Variants in DUSP8 observed in about 807,000 individuals in gnomAD.
DUSP8 encodes the protein dual specificity protein phosphatase 8.
DUSP8 carries 15 observed loss-of-function variants against 38.7 expected under a neutral mutation model. The ratio of observed to expected loss-of-function variants is 0.39; its 90% CI spans 0.26 to 0.60. The LOEUF (loss-of-function observed/expected upper bound fraction) is 0.60, where lower values mean the gene tolerates loss of function less well. Among genes scored for constraint, DUSP8 ranks in the 20% least tolerant of loss-of-function variants. The pLI is 0.56. For synonymous variants in DUSP8, 458 were observed against 433.9 expected, an observed-to-expected ratio of 1.06 and a Z score of -0.69; for missense variants, 768 against 915.0, an observed-to-expected ratio of 0.84 and a Z score of 2.07.
rs1316326952 is a variant in DUSP8, at chr11:1,557,304, G to A, written c.1092C>T (p.Pro364=). 3 of 1,470,710 alleles carry A rather than the reference G, an allele frequency of 2.0e-6. No individual in the cohort carries two copies. In the African/African-American group the frequency reaches 4.4e-5, roughly 22 times the overall value. The allele number at this position is 1,470,710 out of a possible 1,614,324, so 91.1% of individuals were successfully genotyped here. A position where few individuals can be genotyped will look rare whatever the true frequency, so the allele number is the denominator to read the frequency against. ...CCTGCTGCAGTGCGCTGGTCGCCGG[G>A]GGCGTGGGGGGCGCGGGGGGCTCCC... ...AGGEPPAPPT[P]PATSALQQGL... is the part of the protein sequence containing the mutation. Residue 364 remains proline (P), a synonymous_variant, in exon 7 of 7, where the codon CCC becomes CCT. Transcript: ENST00000397374. The surrounding 1 kb of genome is among the most constrained non-coding windows in gnomAD (Gnocchi z 9.9).
chr11:1,556,596 G>GCGCC lies in DUSP8; in HGVS notation c.1796_1799dup (p.Gly603AlafsTer47). 7.0e-7 allele frequency: 1 copy of GCGCC among 1,436,704 alleles called. No homozygotes were observed. The highest frequency in any genetic ancestry group is 9.1e-7 in the Non-Finnish European group (1 of 1,095,794). The allele number at this position is 1,436,704 out of a possible 1,614,324, so 89.0% of individuals were successfully genotyped here. ...GGGCGGCCAGCTCCTCGCCGCGCGC[G>GCGCC]CGCCCCTCCACCATGCCCTCCTCGA... On this transcript the variant is annotated frameshift_variant, in exon 7 of 7. Coordinates refer to ENST00000397374, the MANE Select transcript of DUSP8 (RefSeq NM_004420.3). LOFTEE classifies it high-confidence loss of function. The surrounding 1 kb of genome is among the most constrained non-coding windows in gnomAD (Gnocchi z 5.2).
rs1341565431 is a variant in DUSP8 at position 1,554,550 on chromosome 11, G to T, written c.*1968C>A. On this transcript the variant is annotated 3_prime_UTR_variant, in exon 7 of 7. Transcript: ENST00000397374. ...CGCCCCCCTGCTGGCTGCTCACTTT[G>T]CGGTAACCAGTGCCTCAAGAGTGGG... is the stretch of plus-strand genomic sequence containing the variant. The T allele has an allele frequency of 4.1e-5, 30 of 736,278 alleles. No homozygotes were observed. Among genetic ancestry groups the T allele is most frequent in the Middle Eastern group, 3.2e-4 (1 of 3,102 alleles). The allele number at this position is 736,278 out of a possible 1,614,324, so 45.6% of individuals were successfully genotyped here. A position where few individuals can be genotyped will look rare whatever the true frequency, so the allele number is the denominator to read the frequency against.
At chr11:1,561,947 C>T (rs1027127370) in intron 3 of DUSP8, among the ~76,000 whole-genome samples, 1 of 152,242 alleles carries the variant, frequency 6.6e-6, no homozygotes, top group Non-Finnish European at 1.5e-5. Flanking sequence ...GCCATGAGCC[C>T]ACTGTATACC....
chr11:1,559,612 G>A (rs1463145401), intron 3 of DUSP8, among the ~76,000 whole-genome samples: 1 of 152,206 alleles, frequency 6.6e-6, no homozygotes, highest in Non-Finnish European at 1.5e-5. Context: ...GCTTCCGAGA[G>A]GCCCTCCCCG....
Position 1,554,945 on chromosome 11 carries a change from A to G in DUSP8, c.*1573T>C, listed in dbSNP as rs1460632798. ...TTTGCTGAAAGGAGGGATGACAGGA[A>G]CACAGAGCTGTGGGTGAAAAGAAGA... On this transcript the variant is annotated 3_prime_UTR_variant, in exon 7 of 7. Coordinates refer to ENST00000397374, the MANE Select transcript of DUSP8 (RefSeq NM_004420.3). 4.1e-6 allele frequency: 4 copies of G among 986,068 alleles called. No individual in the cohort carries two copies. The highest frequency in any genetic ancestry group is 4.8e-6 in the Non-Finnish European group (4 of 830,160). The allele number at this position is 986,068 out of a possible 1,614,324, so 61.1% of individuals were successfully genotyped here. A position where few individuals can be genotyped will look rare whatever the true frequency, so the allele number is the denominator to read the frequency against.
At chr11:1,566,033 A>G in intron 1 of DUSP8, 99 bp from the exon 2 acceptor site, 1 of 574,208 alleles carries the variant, frequency 1.7e-6, no homozygotes, top group Non-Finnish European at 3.1e-6. Context: ...GCCCACCAGG[A>G]CACACCAACA....
chr11:1,564,259 T>C (rs944174752), intron 2 of DUSP8, among the ~76,000 whole-genome samples: 1 of 152,134 alleles, frequency 6.6e-6, no homozygotes, highest in Non-Finnish European at 1.5e-5. Context: ...CCCCATGCCA[T>C]GCACATGGGT....
At position 1,558,040 on chromosome 11, in the gene DUSP8, T is replaced by C; in HGVS notation, c.697+72A>G. The stretch of plus-strand genomic sequence containing the variant: ...CCGGCTACTTCCTGGGGACCCCTCC[T>C]GTGTCTGTGGCCACACACAGCTCTA... On this transcript the variant is annotated intron_variant, in intron 5 of 6. Transcript: ENST00000397374. The surrounding 1 kb of genome is among the most constrained non-coding windows in gnomAD (Gnocchi z 6.3). The C allele has an allele frequency of 6.2e-7, 1 of 1,610,400 alleles. No individual in the cohort carries two copies. Among genetic ancestry groups the C allele is most frequent in the Non-Finnish European group, 8.5e-7 (1 of 1,178,282 alleles).
In DUSP8 at chr11:1,557,722, G is replaced by A; in HGVS notation, c.821+72C>T. The A allele has an allele frequency of 6.2e-7, 1 of 1,602,718 alleles. No individual in the cohort carries two copies. Among genetic ancestry groups the A allele is most frequent in the South Asian group, 1.1e-5 (1 of 89,466 alleles). On this transcript the variant is annotated intron_variant, in intron 6 of 6. Coordinates refer to ENST00000397374, the MANE Select transcript of DUSP8 (RefSeq NM_004420.3). This position sits in a 1 kb window ranked among gnomAD's most constrained non-coding sequence, Gnocchi z 9.9. Reference sequence around the variant, plus strand: ...GGGTCCTGGACGGTGGGGTCATTCTGGTGCAAGTGGGCAGCCGGGGGAAGG... The same window carrying A: ...GGGTCCTGGACGGTGGGGTCATTCTAGTGCAAGTGGGCAGCCGGGGGAAGG...
At chr11:1,559,739 C>T (rs998601644) in intron 3 of DUSP8, among the ~76,000 whole-genome samples, 33 of 152,178 alleles carry the variant, frequency 2.2e-4, no homozygotes, top group African/African-American at 4.3e-4. Flanking sequence ...ACTGGGGGCA[C>T]GCAGAGCAGG....
Position 1,554,707 on chromosome 11 carries a change from C to T in DUSP8, c.*1811G>A, listed in dbSNP as rs1347010520. 13 of 785,484 alleles carry T rather than the reference C, an allele frequency of 1.7e-5. No homozygotes were observed. The highest frequency in any genetic ancestry group is 1.9e-5 in the African/African-American group (1 of 53,482). The allele number at this position is 785,484 out of a possible 1,614,324, so 48.7% of individuals were successfully genotyped here. Reference sequence around the variant, plus strand: ...TCCCGGACAGCACAGGGGTGGGGGGCGAGAAGCGGGAAGCCAGTGCATCCT... The same window carrying T: ...TCCCGGACAGCACAGGGGTGGGGGGTGAGAAGCGGGAAGCCAGTGCATCCT... On this transcript the variant is annotated 3_prime_UTR_variant, in exon 7 of 7. Transcript: ENST00000397374.
At chr11:1,572,434 G>GT (rs989740212), upstream of DUSP8, among the ~76,000 whole-genome samples, 23 of 150,016 alleles carry the variant, frequency 1.5e-4, no homozygotes, top group Non-Finnish European at 9.0e-5. The surrounding 1 kb of genome is among the most constrained non-coding windows in gnomAD (Gnocchi z 4.7). Flanking sequence ...TGCCGCGGGG[G>GT]GGGGGCGGGG....
chr11:1,561,541 GC>G (rs889621880), intron 3 of DUSP8, among the ~76,000 whole-genome samples: 4 of 152,224 alleles, frequency 2.6e-5, no homozygotes, highest in East Asian at 3.9e-4. Flanking sequence ...CTTGCCGCTT[GC>G]CCCCCAACAT....
chr11:1,568,300 G>A (rs1590808335), intron 1 of DUSP8, among the ~76,000 whole-genome samples: 1 of 151,142 alleles, frequency 6.6e-6, no homozygotes, highest in African/African-American at 2.4e-5. Flanking sequence ...AGACCTCGGT[G>A]CAGCCAGCCA....
Position 1,565,653 on chromosome 11 carries a change from C to G in DUSP8, c.174G>C (p.Arg58=). 2 of 1,611,238 alleles carry G rather than the reference C, an allele frequency of 1.2e-6. No homozygotes were observed. The highest frequency in any genetic ancestry group is 1.7e-6 in the Non-Finnish European group (2 of 1,179,426). ...NICCSKLVKR[R]LQQGKVTIAE... Reference sequence around the variant, plus strand: ...CAATGGTCACCTTGCCCTGCTGCAGCCGCCGCTTCACCAGCTTGGAGCAGC... The same window carrying G: ...CAATGGTCACCTTGCCCTGCTGCAGGCGCCGCTTCACCAGCTTGGAGCAGC... Residue 58 remains arginine, a synonymous_variant, in exon 2 of 7, where the codon CGG becomes CGC. Coordinates refer to ENST00000397374, the MANE Select transcript of DUSP8 (RefSeq NM_004420.3).
At position 1,558,283 on chromosome 11, in the gene DUSP8, G is replaced by A; in HGVS notation, c.538-12C>T. 5 of 1,215,150 alleles carry A rather than the reference G, an allele frequency of 4.1e-6. No individual in the cohort carries two copies. The highest frequency in any genetic ancestry group is 2.6e-5 in the South Asian group (2 of 77,772). 75.3% of individuals were successfully genotyped at this position (1,215,150 alleles called of 1,614,324 possible). On this transcript the variant is annotated splice_polypyrimidine_tract_variant and intron_variant, in intron 4 of 6. Transcript: ENST00000397374. This position sits in a 1 kb window ranked among gnomAD's most constrained non-coding sequence, Gnocchi z 6.3. The stretch of plus-strand genomic sequence containing the variant: ...TGCGTCATCAGATCCTGGAGGGGCG[G>A]GAGGGCGGGTTGGAAAGGGGTGGGA...
intron 1 of DUSP8, among the ~76,000 whole-genome samples, chr11:1,568,502 G>A (rs1848840222): frequency 6.6e-6 from 1 of 152,152 alleles, no homozygotes; most frequent in Non-Finnish European, 1.5e-5. Flanking sequence ...GGATTCATTA[G>A]CAAGTTAGCA....
rs1244646421 is a variant in DUSP8 at position 1,556,711 on chromosome 11, G to A, written c.1685C>T (p.Ala562Val). The change falls in exon 7 of 7, where the codon GCG (alanine) becomes GTG (valine). Residue 562 changes from alanine to valine, a missense_variant. Ala to Val is a moderately conservative substitution (Grantham distance 64). This residue lies in a region of DUSP8 where 474 missense variants were observed against 430.8 expected (regional missense o/e 1.10). Transcript: ENST00000397374. This position sits in a 1 kb window ranked among gnomAD's most constrained non-coding sequence, Gnocchi z 5.2. The part of the protein sequence containing the change: ...GGSDLRRREA[A>V]RAEPRDARTG... The stretch of plus-strand genomic sequence containing the variant: ...CCGCGCGTCCCGGGGCTCAGCCCTC[G>A]CTGCCTCCCGCCGCCGCAGGTCGCT... 9.5e-5 allele frequency: 118 copies of A among 1,240,630 alleles called. No homozygotes were observed. Among genetic ancestry groups the A allele is most frequent in the East Asian group, 4.4e-4 (14 of 31,500 alleles). The allele number at this position is 1,240,630 out of a possible 1,614,324, so 76.9% of individuals were successfully genotyped here. A position where few individuals can be genotyped will look rare whatever the true frequency, so the allele number is the denominator to read the frequency against.
Position 1,559,009 on chromosome 11 carries a change from G to T in DUSP8, c.417C>A (p.Gly139=), listed in dbSNP as rs151048887. ...FSSCFPGLCE[G]KPAALLPMSL... is the part of the protein sequence containing the mutation. The stretch of plus-strand genomic sequence containing the variant: ...TCATGGGTAGCAGGGCAGCAGGCTT[G>T]CCCTCGCAGAGGCCGGGGAAGCAGG... The change falls in exon 4 of 7, where the codon GGC becomes GGA. Residue 139 remains glycine, a synonymous_variant. Coordinates refer to ENST00000397374, the MANE Select transcript of DUSP8 (RefSeq NM_004420.3). The T allele has an allele frequency of 3.8e-4, 618 of 1,610,940 alleles. 3 individuals carry two copies. The African/African-American group carries it at 7.2e-3, about 19-fold the overall frequency.
Sources: gnomAD v4.1 joint callset for allele counts (sites outside exome capture counted in the v4.1 genomes callset) on GRCh38, gnomAD v4.1.1 for gene constraint, gnomAD v4.1.1 regional missense constraint, Gnocchi (gnomAD v3.1) non-coding constraint, MANE v1.5 for transcripts, NCBI Gene and HGNC (gene_info 2026-07-23, HGNC 2026-07-21) for gene names.